The following ZMAT4 variants were observed in gnomAD, a reference collection of about 807,000 sequenced individuals.
ZMAT4 encodes zinc finger matrin-type 4.
ZMAT4 carries 17 observed loss-of-function variants against 28.7 expected under a neutral mutation model. That is an observed-to-expected ratio of 0.59 (90% CI 0.41 to 0.89). The LOEUF is 0.89. Ranked by LOEUF, ZMAT4 falls within the 40% of genes least tolerant of loss-of-function variation. ZMAT4 has a pLI of 0.00. For synonymous variants in ZMAT4, 117 were observed against 109.2 expected, an observed-to-expected ratio of 1.07 and a Z score of -0.44; for missense variants, 240 against 283.8, an observed-to-expected ratio of 0.85 and a Z score of 1.11.
rs141373996 is a variant in ZMAT4 at position 40,762,234 on chromosome 8, C to A, written c.192+5407G>T. Among the ~76,000 whole-genome samples, 55 of 152,230 alleles carry A rather than the reference C, an allele frequency of 3.6e-4. 1 individual carries two copies. Among genetic ancestry groups the A allele is most frequent in the African/African-American group, 1.2e-3 (50 of 41,548 alleles). ...CAAATTCATATCAACCTAGGACATG[C>A]AATGTTATTTGGAAATGGGGTCTTG... is the stretch of plus-strand genomic sequence containing the variant. On this transcript the variant is annotated intron_variant, in intron 3 of 6. Coordinates refer to ENST00000297737, the MANE Select transcript of ZMAT4 (RefSeq NM_024645.3).
chr8:40,811,396 G>A (rs1323604337), intron 2 of ZMAT4, among the ~76,000 whole-genome samples: 5 of 152,166 alleles, frequency 3.3e-5, no homozygotes, highest in Non-Finnish European at 7.3e-5. Context: ...TCCGGAACAG[G>A]CAAATGTCAC....
chr8:40,743,304 G>GC (rs1812089733), intron 3 of ZMAT4, among the ~76,000 whole-genome samples: 2 of 152,174 alleles, frequency 1.3e-5, no homozygotes, highest in South Asian at 2.1e-4. Flanking sequence ...ACACCTGAGA[G>GC]CAGTGACCTG....
At chr8:40,649,282 C>G (rs1217601992) in intron 5 of ZMAT4, among the ~76,000 whole-genome samples, 9 of 152,050 alleles carry the variant, frequency 5.9e-5, no homozygotes, top group Non-Finnish European at 2.9e-5. Flanking sequence ...ATCCTAGTCT[C>G]TGATAAAACA....
intron 3 of ZMAT4, among the ~76,000 whole-genome samples, chr8:40,746,744 C>T (rs1812254071): frequency 6.6e-6 from 1 of 152,174 alleles, no homozygotes; most frequent in Admixed American, 6.5e-5. Context: ...AAAAACCGCA[C>T]ATGGTCTGGC....
intron 3 of ZMAT4, among the ~76,000 whole-genome samples, chr8:40,754,044 C>T (rs534249221): frequency 1.3e-4 from 19 of 151,952 alleles, no homozygotes; most frequent in Non-Finnish European, 1.9e-4. Context: ...TGGTGGCACA[C>T]GCCTGTAGTC....
At chr8:40,724,596 AAAG>A (rs766085096) in intron 3 of ZMAT4, among the ~76,000 whole-genome samples, 33 of 152,344 alleles carry the variant, frequency 2.2e-4, no homozygotes, top group East Asian at 1.9e-4. Flanking sequence ...GTTTGCAGTG[AAAG>A]AAGGAGAATG....
intron 5 of ZMAT4, among the ~76,000 whole-genome samples, chr8:40,622,318 T>C (rs1806230496): frequency 6.6e-6 from 1 of 152,196 alleles, no homozygotes; most frequent in African/African-American, 2.4e-5. Context: ...GACTTAATGA[T>C]ACAGGAAAAG....
chr8:40,812,380 A>T (rs1190904033), intron 2 of ZMAT4, among the ~76,000 whole-genome samples: 1 of 152,192 alleles, frequency 6.6e-6, no homozygotes, highest in Non-Finnish European at 1.5e-5. Context: ...AGGACACATA[A>T]CTCCAATCTC....
intron 3 of ZMAT4, among the ~76,000 whole-genome samples, chr8:40,750,621 A>G (rs923247432): frequency 3.0e-4 from 46 of 152,338 alleles, no homozygotes; most frequent in Middle Eastern, 6.8e-3. Context: ...GGACTCTAGC[A>G]TGTTAACCAA....
intron 1 of ZMAT4, among the ~76,000 whole-genome samples, chr8:40,863,197 C>T (rs1023905545): frequency 2.6e-5 from 4 of 151,582 alleles, no homozygotes; most frequent in Admixed American, 2.6e-4. Flanking sequence ...AAGGATGGCG[C>T]GGACCTCAGA....
rs530849263 is a variant in ZMAT4, at chr8:40,674,606, T to C, written c.577+98A>G. 54 of 988,826 alleles carry C rather than the reference T, an allele frequency of 5.5e-5. No individual in the cohort carries two copies. In the East Asian group the frequency reaches 1.2e-3, roughly 22 times the overall value. 61.3% of individuals were successfully genotyped at this position (988,826 alleles called of 1,614,324 possible). ...TGGGTGAGCCTCACTTTTTCCTTAA[T>C]AATTAAAGCAAGAAGAAGAATCATT... On this transcript the variant is annotated intron_variant, in intron 5 of 6. Coordinates refer to ENST00000297737, the MANE Select transcript of ZMAT4 (RefSeq NM_024645.3).
At chr8:40,635,803 G>A (rs1270873638) in intron 5 of ZMAT4, among the ~76,000 whole-genome samples, 1 of 152,150 alleles carries the variant, frequency 6.6e-6, no homozygotes, top group Non-Finnish European at 1.5e-5. Context: ...TGCTATTGTA[G>A]GGTAAATGAC....
intron 6 of ZMAT4, among the ~76,000 whole-genome samples, chr8:40,545,950 T>TAAAA (rs36053017): frequency 3.8e-5 from 5 of 132,886 alleles, no homozygotes; most frequent in African/African-American, 1.1e-4. Context: ...TGAAGCCCAG[T>TAAAA]AAAAAAAAAA....
At chr8:40,623,746 G>A (rs1585773936) in intron 5 of ZMAT4, among the ~76,000 whole-genome samples, 1 of 152,174 alleles carries the variant, frequency 6.6e-6, no homozygotes, top group African/African-American at 2.4e-5. Flanking sequence ...AGAAACCACA[G>A]GGCCCCTGAA....
intron 1 of ZMAT4, among the ~76,000 whole-genome samples, chr8:40,875,740 C>T (rs1388566123): frequency 6.6e-6 from 1 of 152,080 alleles, no homozygotes; most frequent in Non-Finnish European, 1.5e-5. Flanking sequence ...AAGTTCTGCC[C>T]ACAGTGCCCG....
intron 5 of ZMAT4, among the ~76,000 whole-genome samples, chr8:40,634,813 A>G (rs1247414845): frequency 6.6e-6 from 1 of 152,190 alleles, no homozygotes; most frequent in African/African-American, 2.4e-5. Flanking sequence ...CGTCTAAAGA[A>G]TGGAGCCATC....
Position 40,849,454 on chromosome 8 carries a change from G to C in ZMAT4, c.-4-23774C>G, listed in dbSNP as rs556518205. Among the ~76,000 whole-genome samples the C allele has an allele frequency of 3.9e-5, 6 of 152,196 alleles. No individual in the cohort carries two copies. The South Asian group carries it at 1.2e-3, about 31-fold the overall frequency. On this transcript the variant is annotated intron_variant, in intron 1 of 6. Transcript: ENST00000297737. The stretch of plus-strand genomic sequence containing the variant: ...TTAAAATGCTAGAAGCCTCCCAAGA[G>C]AAAGAGATAAAAGATGTTCTATTTA...
In ZMAT4 at chr8:40,605,598, G is replaced by C. The variant is rs188190415; in HGVS notation, c.578-24337C>G. ...ATTTAGACTTGTATGGTGTATCTTG[G>C]AGAATGTTCCATGTGCTGATGAATA... On this transcript the variant is annotated intron_variant, in intron 5 of 6. Coordinates refer to ENST00000297737, the MANE Select transcript of ZMAT4 (RefSeq NM_024645.3). Among the ~76,000 whole-genome samples, 15 of 152,154 alleles carry C rather than the reference G, an allele frequency of 9.9e-5. No homozygotes were observed. In the East Asian group the frequency reaches 2.9e-3, roughly 29 times the overall value.
At chr8:40,657,142 C>A (rs575363645) in intron 5 of ZMAT4, among the ~76,000 whole-genome samples, 7 of 152,262 alleles carry the variant, frequency 4.6e-5, no homozygotes, top group African/African-American at 1.7e-4. Flanking sequence ...ACCATCCTCC[C>A]ACCTCAGTTT....
Sources: allele counts gnomAD v4.1 joint callset (sites outside exome capture counted in the v4.1 genomes callset), GRCh38; gene constraint gnomAD v4.1.1; transcripts MANE v1.5; gene names NCBI Gene and HGNC (gene_info 2026-07-23, HGNC 2026-07-21).